AHCYL2: variants seen among roughly 807,000 people sequenced by gnomAD.
AHCYL2 encodes the protein adenosylhomocysteinase like 2.
In AHCYL2, 28 loss-of-function variants were observed where a neutral mutation model predicts 81.4. The observed-to-expected ratio is 0.34, with a 90% confidence interval of 0.25 to 0.47. AHCYL2 has a LOEUF of 0.47. Among genes scored for constraint, AHCYL2 ranks in the 20% least tolerant of loss-of-function variants. AHCYL2 has a pLI of 1.00. For missense variants in AHCYL2, 551 were observed against 785.1 expected (o/e 0.70, Z 3.56); for synonymous variants, 272 against 290.2 (o/e 0.94, Z 0.64).
chr7:129,400,266 TC>T (rs1338678770), intron 5 of AHCYL2, 23 bp from the exon 6 acceptor site: 9 of 1,609,444 alleles, frequency 5.6e-6, no homozygotes. Context: ...TTTAATGGTT[TC>T]CCTTTGTTCC....
intron 1 of AHCYL2, among the ~76,000 whole-genome samples, chr7:129,323,931 C>T (rs566166237): frequency 4.2e-5 from 6 of 143,354 alleles, no homozygotes; most frequent in East Asian, 2.1e-4. Flanking sequence ...AGTGCAATGG[C>T]GAGATCTCAG....
At chr7:129,259,846 G>A (rs960740775) in intron 1 of AHCYL2, among the ~76,000 whole-genome samples, 6 of 152,172 alleles carry the variant, frequency 3.9e-5, no homozygotes, top group African/African-American at 1.4e-4. Context: ...GGAGGTTGAA[G>A]CAGGCAGATC....
chr7:129,321,063 G>C (rs1469555189), intron 1 of AHCYL2, among the ~76,000 whole-genome samples: 1 of 152,128 alleles, frequency 6.6e-6, no homozygotes, highest in African/African-American at 2.4e-5. Flanking sequence ...ACTCATATTA[G>C]CTTTAGTACA....
At chr7:129,315,017 G>T (rs1319547514) in intron 1 of AHCYL2, among the ~76,000 whole-genome samples, 1 of 152,012 alleles carries the variant, frequency 6.6e-6, no homozygotes, top group African/African-American at 2.4e-5. Context: ...AGTGAGTTTA[G>T]TATGGAAAGC....
In AHCYL2 at chr7:129,426,637, T is replaced by TC; in HGVS notation, c.1829+78dup. On this transcript the variant is annotated intron_variant, in intron 16 of 16. Transcript: ENST00000325006. This position sits in a 1 kb window ranked among gnomAD's most constrained non-coding sequence, Gnocchi z 4.3. ...TCCTGCACTGGAATTGGTCTTTGCATCCCCAACCACATATGCTTACATGAA... is the reference window on the plus strand; with the variant it reads ...TCCTGCACTGGAATTGGTCTTTGCATCCCCCAACCACATATGCTTACATGAA... 6.4e-7 allele frequency: 1 copy of TC among 1,556,852 alleles called. No individual in the cohort carries two copies. The highest frequency in any genetic ancestry group is 8.7e-7 in the Non-Finnish European group (1 of 1,155,064).
At chr7:129,296,008 C>G (rs913632606) in intron 1 of AHCYL2, among the ~76,000 whole-genome samples, 1 of 152,172 alleles carries the variant, frequency 6.6e-6, no homozygotes, top group Non-Finnish European at 1.5e-5. Context: ...AAATATATAG[C>G]TGGTTTTAGA....
chr7:129,354,087 T>A (rs141904076), intron 1 of AHCYL2, among the ~76,000 whole-genome samples: 16 of 152,214 alleles, frequency 1.1e-4, no homozygotes, highest in Non-Finnish European at 2.1e-4. Flanking sequence ...CCATAATAGA[T>A]TGAGGACTGA....
rs113387382 is a variant in AHCYL2 at position 129,249,748 on chromosome 7, G to C, written c.363+24309G>C. Among the ~76,000 whole-genome samples the C allele has an allele frequency of 6.3e-3, 964 of 152,122 alleles. 10 individuals are homozygous for C. Among genetic ancestry groups the C allele is most frequent in the African/African-American group, 0.022 (915 of 41,514 alleles). ...CCTAAACATTGTCTTCTTTTCCCCG[G>C]TCCCCCAGCCCTTGGAAACCTCTAT... On this transcript the variant is annotated intron_variant, in intron 1 of 16. Transcript: ENST00000325006.
intron 10 of AHCYL2, among the ~76,000 whole-genome samples, chr7:129,408,253 G>C (rs1563241694): frequency 6.6e-6 from 1 of 152,206 alleles, no homozygotes; most frequent in Non-Finnish European, 1.5e-5. Flanking sequence ...TGTAAACCTA[G>C]AGGCAATGAG....
intron 1 of AHCYL2, among the ~76,000 whole-genome samples, chr7:129,250,292 A>G (rs1297043906): frequency 6.6e-6 from 1 of 152,232 alleles, no homozygotes; most frequent in Non-Finnish European, 1.5e-5. Context: ...CAAACCAAAA[A>G]GTTGGTATGC....
intron 1 of AHCYL2, among the ~76,000 whole-genome samples, chr7:129,254,200 A>G (rs1397458797): frequency 1.3e-5 from 2 of 152,226 alleles, no homozygotes; most frequent in Non-Finnish European, 2.9e-5. Context: ...GGTATCAGAA[A>G]GGTCCCAATC....
intron 1 of AHCYL2, among the ~76,000 whole-genome samples, chr7:129,228,106 C>T (rs1244584073): frequency 6.6e-6 from 1 of 152,142 alleles, no homozygotes; most frequent in South Asian, 2.1e-4. Context: ...ACCTTGACTC[C>T]TTACTGTTTT....
intron 1 of AHCYL2, among the ~76,000 whole-genome samples, chr7:129,247,968 CCTTT>C (rs370996524): frequency 1.4e-4 from 22 of 152,224 alleles, no homozygotes; most frequent in East Asian, 1.3e-3. Flanking sequence ...AATTTTATCT[CCTTT>C]GTTTTCGTCT....
intron 1 of AHCYL2, among the ~76,000 whole-genome samples, chr7:129,232,973 G>A (rs1262018538): frequency 6.6e-6 from 1 of 152,202 alleles, no homozygotes; most frequent in Non-Finnish European, 1.5e-5. Flanking sequence ...TTGGAGTGAT[G>A]TACGGGTTGA....
chr7:129,375,758 C>G, intron 1 of AHCYL2: 1 of 1,498,760 alleles, frequency 6.7e-7, no homozygotes, highest in Non-Finnish European at 8.8e-7. Context: ...CTCCCCAGCC[C>G]AAAAAGCTGG....
chr7:129,370,217 GCTC>G (rs1794315777), intron 1 of AHCYL2, among the ~76,000 whole-genome samples: 1 of 152,092 alleles, frequency 6.6e-6, no homozygotes, highest in Non-Finnish European at 1.5e-5. Flanking sequence ...TTCAGTAGTG[GCTC>G]CTGCTGAACT....
chr7:129,371,464 T>C (rs1269508229), intron 1 of AHCYL2, among the ~76,000 whole-genome samples: 1 of 152,150 alleles, frequency 6.6e-6, no homozygotes, highest in African/African-American at 2.4e-5. Flanking sequence ...ACTGACGAGG[T>C]AGACTTTCAA....
At chr7:129,236,800 T>G (rs1350224984) in intron 1 of AHCYL2, among the ~76,000 whole-genome samples, 1 of 152,246 alleles carries the variant, frequency 6.6e-6, no homozygotes, top group Non-Finnish European at 1.5e-5. Flanking sequence ...ATCTGCATTC[T>G]TCTGACAGAA....
At chr7:129,281,171 C>T (rs558690597) in intron 1 of AHCYL2, among the ~76,000 whole-genome samples, 16 of 152,114 alleles carry the variant, frequency 1.1e-4, no homozygotes, top group Non-Finnish European at 2.2e-4. Flanking sequence ...CCCATTGATT[C>T]ATTTTTAAAT....
Sources: gnomAD v4.1 joint callset for allele counts (sites outside exome capture counted in the v4.1 genomes callset) on GRCh38, gnomAD v4.1.1 for gene constraint, Gnocchi (gnomAD v3.1) non-coding constraint, MANE v1.5 for transcripts, NCBI Gene and HGNC (gene_info 2026-07-23, HGNC 2026-07-21) for gene names.